The following NUP205 variants were observed in gnomAD, a reference collection of about 807,000 sequenced individuals.
NUP205 encodes nuclear pore complex protein Nup205.
Under a neutral mutation model 253.8 loss-of-function variants are expected in NUP205, and 76 were observed. The ratio of observed to expected loss-of-function variants is 0.30; its 90% CI spans 0.25 to 0.36. The LOEUF is 0.36. NUP205 is among the 10% of genes least tolerant of loss of function. The pLI, the probability that NUP205 is intolerant of heterozygous loss-of-function variation, is 1.00. For synonymous variants in NUP205, 832 were observed against 850.1 expected (o/e 0.98, Z 0.37); for missense variants, 2,162 against 2,425.5 (o/e 0.89, Z 2.28).
chr7:135,579,732 A>ACCTACT (rs1806253903), intron 7 of NUP205, among the ~76,000 whole-genome samples: 1 of 151,816 alleles, frequency 6.6e-6, no homozygotes, highest in Non-Finnish European at 1.5e-5. Context: ...TGCAACCTCC[A>ACCTACT]CCTACTGGGT....
chr7:135,577,313 C>T (rs1259572663), intron 5 of NUP205, among the ~76,000 whole-genome samples, 185 bp downstream of exon 5: 4 of 151,878 alleles, frequency 2.6e-5, no homozygotes, highest in African/African-American at 9.7e-5. Context: ...GTATAGGGTA[C>T]AGTGTGGTAT....
chr7:135,571,096 T>C lies in NUP205; in HGVS notation c.29-9T>C. 1.3e-6 allele frequency: 2 copies of C among 1,539,514 alleles called. No individual in the cohort carries two copies. The highest frequency in any genetic ancestry group is 1.2e-5 in the South Asian group (1 of 81,710). On this transcript the variant is annotated splice_polypyrimidine_tract_variant and intron_variant, in intron 1 of 42. Coordinates refer to ENST00000285968, the MANE Select transcript of NUP205 (RefSeq NM_015135.3). ...CTTTGACGGTGGTTTCATTTATTTTTTCTTTAAGCTGCTAGTCTATGGGGT... is the reference window on the plus strand; with the variant it reads ...CTTTGACGGTGGTTTCATTTATTTTCTCTTTAAGCTGCTAGTCTATGGGGT...
chr7:135,603,073 C>G lies in NUP205; in HGVS notation c.2702+79C>G. On this transcript the variant is annotated intron_variant, in intron 18 of 42. Transcript: ENST00000285968. Reference sequence around the variant, plus strand: ...TTGATTTTCAAATCTGGTTAGGTATCTAGTGCATCACCTTTTTTTTTATTT... The same window carrying G: ...TTGATTTTCAAATCTGGTTAGGTATGTAGTGCATCACCTTTTTTTTTATTT... 3 of 845,042 alleles carry G rather than the reference C, an allele frequency of 3.6e-6. 1 individual carries two copies. The South Asian group carries it at 6.3e-5, about 18-fold the overall frequency. The allele number at this position is 845,042 out of a possible 1,614,324, so 52.3% of individuals were successfully genotyped here.
chr7:135,602,214 A>G (rs1793981453), intron 17 of NUP205, among the ~76,000 whole-genome samples: 1 of 152,246 alleles, frequency 6.6e-6, no homozygotes, highest in Non-Finnish European at 1.5e-5. Context: ...ATATACAGAT[A>G]AGACACTATA....
At position 135,561,870 on chromosome 7, in the gene NUP205, A is replaced by G. The variant is rs144733469; in HGVS notation, c.28+3898A>G. On this transcript the variant is annotated intron_variant, in intron 1 of 42. Coordinates refer to ENST00000285968, the MANE Select transcript of NUP205 (RefSeq NM_015135.3). ...CAAGCCTTTCAAAAGATTTGTTAGT[A>G]TTCATGGACTCCATCTCCTTCCTTC... Among the ~76,000 whole-genome samples the G allele has an allele frequency of 3.2e-3, 488 of 152,054 alleles. 2 individuals are homozygous for G. The highest frequency in any genetic ancestry group is 0.01 in the Middle Eastern group (3 of 294).
At chr7:135,615,210 C>T (rs1051379714) in intron 23 of NUP205, among the ~76,000 whole-genome samples, 1 of 152,126 alleles carries the variant, frequency 6.6e-6, no homozygotes, top group Admixed American at 6.5e-5. Context: ...TATGTTTATA[C>T]TGTCACAGTT....
Position 135,569,561 on chromosome 7 carries a change from G to A in NUP205, c.29-1544G>A, listed in dbSNP as rs112232776. 2.8e-3 allele frequency among the ~76,000 whole-genome samples: 422 copies of A among 151,662 alleles called. 2 individuals are homozygous for A. The highest frequency in any genetic ancestry group is 9.8e-3 in the South Asian group (47 of 4,800). On this transcript the variant is annotated intron_variant, in intron 1 of 42. Transcript: ENST00000285968. Reference sequence around the variant, plus strand: ...TCTGACATTATCTAGTGTGACCTCAGGTGGTGAATATTTTGACCTCTCTGC... The same window carrying A: ...TCTGACATTATCTAGTGTGACCTCAAGTGGTGAATATTTTGACCTCTCTGC...
chr7:135,604,417 C>A lies in NUP205; in HGVS notation c.2780C>A (p.Ser927Tyr). Reference sequence around the variant, plus strand: ...ATCCTCTGTTGTATCTCTTGCAACTCTAATATTCAGATAAAGTTGGTTGGA... The same window carrying A: ...ATCCTCTGTTGTATCTCTTGCAACTATAATATTCAGATAAAGTTGGTTGGA... ...AKILCCISCN[S>Y]NIQIKLVGDF... The change falls in exon 19 of 43, where the codon TCT becomes TAT. Residue 927 changes from serine to tyrosine, a missense_variant. Transcript: ENST00000285968. The A allele has an allele frequency of 6.2e-7, 1 of 1,612,124 alleles. No individual in the cohort carries two copies. The highest frequency in any genetic ancestry group is 8.5e-7 in the Non-Finnish European group (1 of 1,178,992).
At chr7:135,558,916 A>G (rs1805506681) in intron 1 of NUP205, among the ~76,000 whole-genome samples, 1 of 152,202 alleles carries the variant, frequency 6.6e-6, no homozygotes. Context: ...TTTCCACAGG[A>G]CTGATATTCT....
chr7:135,602,337 C>T (rs1329813383), intron 17 of NUP205, among the ~76,000 whole-genome samples: 1 of 152,172 alleles, frequency 6.6e-6, no homozygotes, highest in East Asian at 1.9e-4. Context: ...ATCAGAGTTT[C>T]TCAATTTTGG....
rs1354713748 is a variant in NUP205 at position 135,600,885 on chromosome 7, G to A, written c.2290G>A (p.Val764Met). Residue 764 changes from valine to methionine, a missense_variant, in exon 16 of 43, where the codon GTG (valine) becomes ATG (methionine). This residue lies in a region of NUP205 where 892 missense variants were observed against 957.1 expected (regional missense o/e 0.93). Coordinates refer to ENST00000285968, the MANE Select transcript of NUP205 (RefSeq NM_015135.3). ...CTTTCTATAGTGGGAAGTTGCTGAGGTGGTTTTGGAGGTGTTTTATAAATT... is the reference window on the plus strand; with the variant it reads ...CTTTCTATAGTGGGAAGTTGCTGAGATGGTTTTGGAGGTGTTTTATAAATT... The part of the protein sequence containing the change: ...RAAEKWEVAE[V>M]VLEVFYKLLR... The A allele has an allele frequency of 5.0e-6, 8 of 1,607,758 alleles. No individual in the cohort carries two copies. In the Admixed American group the frequency reaches 1.2e-4, roughly 24 times the overall value.
intron 22 of NUP205, among the ~76,000 whole-genome samples, chr7:135,608,887 G>A (rs184646157): frequency 3.9e-5 from 6 of 151,978 alleles, no homozygotes; most frequent in Non-Finnish European, 8.8e-5. Context: ...GATCACCTGA[G>A]GTTAGGAGTT....
At chr7:135,636,130 C>T (rs570793427) in intron 36 of NUP205, among the ~76,000 whole-genome samples, 170 of 152,274 alleles carry the variant, frequency 1.1e-3, no homozygotes, top group African/African-American at 3.5e-3. Flanking sequence ...GTAATCTCCT[C>T]TCAATATGTT....
At chr7:135,619,076 T>C (rs983455021) in intron 28 of NUP205, among the ~76,000 whole-genome samples, 1 of 152,188 alleles carries the variant, frequency 6.6e-6, no homozygotes, top group Non-Finnish European at 1.5e-5. Context: ...ATAAAACTTG[T>C]TAATGGGCTG....
Position 135,577,958 on chromosome 7 carries a change from C to T in NUP205, c.811C>T (p.Leu271Phe), listed in dbSNP as rs1806196368. 1 of 1,613,880 alleles carries T rather than the reference C, an allele frequency of 6.2e-7. No individual in the cohort carries two copies. The highest frequency in any genetic ancestry group is 1.7e-5 in the Admixed American group (1 of 59,978). Residue 271 changes from leucine to phenylalanine, a missense_variant, in exon 6 of 43, where the codon CTT becomes TTT. Physicochemically the swap from Leu to Phe is conservative, Grantham distance 22. Around this residue, in one of 5 missense-constraint regions of NUP205, gnomAD observed 892 missense variants for 957.1 expected, o/e 0.93. Transcript: ENST00000285968. The part of the protein sequence containing the change: ...NGSLDAVNLA[L>F]LMALLYCFDI... ...CTCACTGGATGCAGTGAATCTGGCTCTTCTTATGGCGCTTCTATACTGTTT... is the reference window on the plus strand; with the variant it reads ...CTCACTGGATGCAGTGAATCTGGCTTTTCTTATGGCGCTTCTATACTGTTT...
chr7:135,606,634 A>T (rs573909169), intron 20 of NUP205, 117 bp from the exon 21 acceptor site: 3 of 735,202 alleles, frequency 4.1e-6, no homozygotes. Context: ...TGTGATAGAT[A>T]ATCAGGCAAA....
intron 7 of NUP205, among the ~76,000 whole-genome samples, chr7:135,582,601 A>G (rs1164428351): frequency 1.3e-5 from 2 of 151,948 alleles, no homozygotes; most frequent in Non-Finnish European, 2.9e-5. Context: ...CTTCCACTTC[A>G]GCCTCCCAAG....
chr7:135,575,452 G>T (rs1806125746), intron 3 of NUP205, among the ~76,000 whole-genome samples: 1 of 151,974 alleles, frequency 6.6e-6, no homozygotes, highest in Admixed American at 6.6e-5. Flanking sequence ...AAGGGGAAAA[G>T]AAAGCTTTAG....
chr7:135,612,823 TA>T (rs1266037505), intron 22 of NUP205, among the ~76,000 whole-genome samples: 1 of 152,220 alleles, frequency 6.6e-6, no homozygotes, highest in Non-Finnish European at 1.5e-5. Context: ...GTTTTGGCTT[TA>T]GATTTTAATT....
Sources: gnomAD v4.1 joint callset for allele counts (sites outside exome capture counted in the v4.1 genomes callset) on GRCh38, gnomAD v4.1.1 for gene constraint, gnomAD v4.1.1 regional missense constraint, MANE v1.5 for transcripts, NCBI Gene and HGNC (gene_info 2026-07-23, HGNC 2026-07-21) for gene names.